Variants in SLC19A1 observed in about 807,000 individuals in gnomAD.
The protein encoded by SLC19A1 is solute carrier family 19 member 1.
SLC19A1 carries 37 observed loss-of-function variants against 35.3 expected under a neutral mutation model. That is an observed-to-expected ratio of 1.05 (90% CI 0.81 to 1.38). The LOEUF is 1.38. Ranked by LOEUF, SLC19A1 falls within the 40% of genes most tolerant of loss-of-function variation. The pLI is 0.00. For synonymous variants in SLC19A1, 460 were observed against 398.5 expected (o/e 1.15, Z -1.84); for missense variants, 831 against 826.9 (o/e 1.00, Z -0.06).
intron 1 of SLC19A1, among the ~76,000 whole-genome samples, chr21:45,551,313 CATT>C (rs903374524): frequency 1.3e-5 from 2 of 152,104 alleles, no homozygotes; most frequent in Non-Finnish European, 2.9e-5. Flanking sequence ...CTGCTTTTCT[CATT>C]ATTTTTTCTT....
At chr21:45,543,336 A>T (rs2078368397), upstream of SLC19A1, among the ~76,000 whole-genome samples, 1 of 152,206 alleles carries the variant, frequency 6.6e-6, no homozygotes, top group Non-Finnish European at 1.5e-5. Flanking sequence ...AGGGAAGCCA[A>T]GCCGAGGGCT....
intron 2 of SLC19A1, 33 bp downstream of exon 2, chr21:45,537,719 TCCCCGCCCACCCACCCACA>T: frequency 3.1e-6 from 1 of 319,772 alleles, no homozygotes; most frequent in Non-Finnish European, 5.6e-6. Flanking sequence ...CAGACGCTGC[TCCCCGCCCACCCACCCACA>T]GGCGGCCGCC....
chr21:45,557,754 G>A, intron 1 of SLC19A1, among the ~76,000 whole-genome samples: 1 of 152,218 alleles, frequency 6.6e-6, no homozygotes, highest in Non-Finnish European at 1.5e-5. Context: ...TCTCGGGGAT[G>A]CTAGTGAGGA....
chr21:45,541,746 C>G (rs1421700690), intron 1 of SLC19A1: 1 of 152,284 alleles, frequency 6.6e-6, no homozygotes, highest in South Asian at 2.1e-4. Flanking sequence ...TGGAGATGTG[C>G]CAGGGGCCCG....
chr21:45,540,943 A>G lies in SLC19A1; in HGVS notation c.-50+1425T>C, dbSNP rs2010540. On this transcript the variant is annotated intron_variant, in intron 1 of 5. Coordinates refer to ENST00000311124, the MANE Select transcript of SLC19A1 (RefSeq NM_194255.4). This position sits in a 1 kb window ranked among gnomAD's most constrained non-coding sequence, Gnocchi z 5.5. ...AAAACACAAGCAAACGCCACCTATC[A>G]TTCCGTGTTTAAACCAGCTCCTACT... Among the ~76,000 whole-genome samples the G allele has an allele frequency of 0.027, 4,074 of 152,270 alleles. 172 individuals are homozygous for G. Among genetic ancestry groups the G allele is most frequent in the African/African-American group, 0.093 (3,871 of 41,534 alleles).
chr21:45,523,622 G>A (rs908248448), intron 5 of SLC19A1, among the ~76,000 whole-genome samples: 1 of 152,226 alleles, frequency 6.6e-6, no homozygotes, highest in Non-Finnish European at 1.5e-5. Context: ...AGAGCCCTCA[G>A]GCATCTGCCC....
chr21:45,537,898 T>A lies in SLC19A1; in HGVS notation c.62A>T (p.Glu21Val). 1 of 1,598,070 alleles carries A rather than the reference T, an allele frequency of 6.3e-7. No homozygotes were observed. The highest frequency in any genetic ancestry group is 8.5e-7 in the Non-Finnish European group (1 of 1,175,496). ...QVPVEPGPDP[E>V]LRSWRHLVCY... ...CACGAGGTGCCGCCAGGACCGGAGCTCGGGGTCAGGCCCAGGTTCCACGGG... is the reference window on the plus strand; with the variant it reads ...CACGAGGTGCCGCCAGGACCGGAGCACGGGGTCAGGCCCAGGTTCCACGGG... The change falls in exon 2 of 6, where the codon GAG becomes GTG. Residue 21 changes from glutamate (E) to valine (V), a missense_variant. Coordinates refer to ENST00000311124, the MANE Select transcript of SLC19A1 (RefSeq NM_194255.4).
At chr21:45,504,734 G>GCACTGACC (rs1164992719) in intron 3 of SLC19A1, among the ~76,000 whole-genome samples, 1 of 152,004 alleles carries the variant, frequency 6.6e-6, no homozygotes, top group Non-Finnish European at 1.5e-5. Context: ...GGGTGTGGGT[G>GCACTGACC]CACTGACCCC....
intron 4 of SLC19A1, among the ~76,000 whole-genome samples, chr21:45,527,827 C>T (rs1334865023): frequency 1.3e-5 from 2 of 151,506 alleles, no homozygotes; most frequent in Non-Finnish European, 2.9e-5. Flanking sequence ...ATGAACATGT[C>T]CAGGAATGAA....
chr21:45,512,684 T>A lies in SLC19A1; in HGVS notation c.*2974A>T. ...GTGCAGTATCATGCCCTGTGCAACC[T>A]CTTGGCCTGATCAGACCACGGCTCG... is the stretch of plus-strand genomic sequence containing the variant. On this transcript the variant is annotated 3_prime_UTR_variant, in exon 6 of 6. Transcript: ENST00000311124. The A allele has an allele frequency of 2.0e-6, 1 of 506,818 alleles. No individual in the cohort carries two copies. The highest frequency in any genetic ancestry group is 2.1e-5 in the South Asian group (1 of 47,932). The allele number at this position is 506,818 out of a possible 1,614,324, so 31.4% of individuals were successfully genotyped here. A position where few individuals can be genotyped will look rare whatever the true frequency, so the allele number is the denominator to read the frequency against.
At chr21:45,550,029 C>T (rs1276787189) in intron 1 of SLC19A1, among the ~76,000 whole-genome samples, 1 of 152,134 alleles carries the variant, frequency 6.6e-6, no homozygotes, top group African/African-American at 2.4e-5. Context: ...CTGTCTCTCC[C>T]CGGCCAGGCT....
chr21:45,554,984 CCCG>C (rs1016334720), intron 1 of SLC19A1, among the ~76,000 whole-genome samples: 2 of 151,350 alleles, frequency 1.3e-5, no homozygotes, highest in African/African-American at 4.9e-5. Context: ...TTTCCAGAAC[CCCG>C]CGCCCAGGAG....
chr21:45,529,353 T>G (rs1374775368), intron 4 of SLC19A1, among the ~76,000 whole-genome samples: 1 of 152,026 alleles, frequency 6.6e-6, no homozygotes, highest in East Asian at 1.9e-4. Context: ...AACAGGCTCG[T>G]GACCAGCATA....
At position 45,532,119 on chromosome 21, in the gene SLC19A1, C is replaced by T. The variant is rs574570514; in HGVS notation, c.219G>A (p.Ser73=). ...GCACCAGCACGGCCAGGTAGGAGTA[C>T]GACAGCACCGGCGTGATCTCGTTCG... is the stretch of plus-strand genomic sequence containing the variant. The part of the protein sequence containing the change: ...QVTNEITPVL[S]YSYLAVLVPV... Residue 73 remains serine (S), a synonymous_variant, in exon 3 of 6, where the codon TCG becomes TCA. Coordinates refer to ENST00000311124, the MANE Select transcript of SLC19A1 (RefSeq NM_194255.4). 1.8e-5 allele frequency: 29 copies of T among 1,608,450 alleles called. No homozygotes were observed. The highest frequency in any genetic ancestry group is 2.3e-5 in the Non-Finnish European group (27 of 1,176,850).
At chr21:45,543,297 C>T (rs2146471120), upstream of SLC19A1, among the ~76,000 whole-genome samples, 1 of 152,340 alleles carries the variant, frequency 6.6e-6, no homozygotes, top group East Asian at 1.9e-4. Flanking sequence ...TCACTTTCCC[C>T]TGGAGTTACC....
In SLC19A1 at chr21:45,517,296, G is replaced by A. The variant is rs532388160; in HGVS notation, c.1294-1156C>T. 1.3e-5 allele frequency among the ~76,000 whole-genome samples: 2 copies of A among 152,234 alleles called. No individual in the cohort carries two copies. The highest frequency in any genetic ancestry group is 2.1e-4 in the South Asian group (1 of 4,824). ...AGCCCAACATGAGGAAAGACCTTTC[G>A]ACAGGAATCGCCCTGCTCCCCGCAA... On this transcript the variant is annotated intron_variant, in intron 5 of 5. Coordinates refer to ENST00000311124, the MANE Select transcript of SLC19A1 (RefSeq NM_194255.4). This position sits in a 1 kb window ranked among gnomAD's most constrained non-coding sequence, Gnocchi z 4.4.
In SLC19A1 at chr21:45,530,624, G is replaced by A; in HGVS notation, c.1151+146C>T. 1 of 780,894 alleles carries A rather than the reference G, an allele frequency of 1.3e-6. No homozygotes were observed. Among genetic ancestry groups the A allele is most frequent in the Non-Finnish European group, 2.0e-6 (1 of 502,250 alleles). 48.4% of individuals were successfully genotyped at this position (780,894 alleles called of 1,614,324 possible). A position where few individuals can be genotyped will look rare whatever the true frequency, so the allele number is the denominator to read the frequency against. The stretch of plus-strand genomic sequence containing the variant: ...CCGAGGTCCCAGGGAGAGGCAAGTG[G>A]GGACCCTGGTCAGCTCCAGGTGGCT... On this transcript the variant is annotated intron_variant, in intron 4 of 5. Transcript: ENST00000311124. The surrounding 1 kb of genome is among the most constrained non-coding windows in gnomAD (Gnocchi z 5.3).
chr21:45,506,955 GT>G, intron 3 of SLC19A1: 2 of 254,570 alleles, frequency 7.9e-6, no homozygotes, highest in Non-Finnish European at 1.6e-5. Context: ...GGTGCCCACT[GT>G]GTGCCAGGTG....
chr21:45,503,020 G>A (rs8126955), intron 3 of SLC19A1: 72,463 of 151,826 alleles, frequency 0.48, 17,496 homozygotes, highest in Middle Eastern at 0.58. Context: ...GAATAATGTC[G>A]CAATAAACAT....
Sources: allele counts gnomAD v4.1 joint callset (sites outside exome capture counted in the v4.1 genomes callset), GRCh38; gene constraint gnomAD v4.1.1; non-coding constraint Gnocchi (gnomAD v3.1); transcripts MANE v1.5; gene names NCBI Gene and HGNC (gene_info 2026-07-23, HGNC 2026-07-21).